BICC1: variants seen among roughly 807,000 people sequenced by gnomAD.
The protein encoded by BICC1 is protein bicaudal C homolog 1.
BICC1 carries 43 observed loss-of-function variants against 111.0 expected under a neutral mutation model. The observed-to-expected ratio is 0.39, with a 90% CI of 0.30 to 0.50. BICC1 has a LOEUF of 0.50. Among genes scored for constraint, BICC1 ranks in the 20% least tolerant of loss-of-function variants. The pLI, the probability that BICC1 is intolerant of heterozygous loss-of-function variation, is 0.88. For synonymous variants in BICC1, 467 were observed against 434.4 expected (o/e 1.07, Z -0.93); for missense variants, 1,091 against 1,203.2 (o/e 0.91, Z 1.38).
chr10:58,513,884 G>A (rs909628835), intron 1 of BICC1, among the ~76,000 whole-genome samples: 4 of 152,172 alleles, frequency 2.6e-5, no homozygotes, highest in African/African-American at 9.7e-5. Context: ...GGCCAGGATC[G>A]GGGTGAGCAG....
chr10:58,743,053 A>G (rs531626489), intron 3 of BICC1, among the ~76,000 whole-genome samples: 9 of 152,318 alleles, frequency 5.9e-5, no homozygotes, highest in Admixed American at 2.6e-4. Flanking sequence ...CCAGGTGGCA[A>G]TTGAACCTGG....
chr10:58,715,017 A>G (rs1300542557), intron 3 of BICC1, among the ~76,000 whole-genome samples: 5 of 151,922 alleles, frequency 3.3e-5, no homozygotes, highest in African/African-American at 1.2e-4. Context: ...GGAGTGAGCC[A>G]AGATCTAACC....
chr10:58,729,399 A>G (rs1382064883), intron 3 of BICC1, among the ~76,000 whole-genome samples: 1 of 152,158 alleles, frequency 6.6e-6, no homozygotes, highest in African/African-American at 2.4e-5. Context: ...TTTCTTCTTT[A>G]GCTTCCTTAC....
At chr10:58,567,943 G>A (rs910810514) in intron 1 of BICC1, among the ~76,000 whole-genome samples, 7 of 152,022 alleles carry the variant, frequency 4.6e-5, no homozygotes, top group Non-Finnish European at 8.8e-5. Flanking sequence ...GAGAAGACTG[G>A]GAGGTTTATG....
chr10:58,686,426 G>GTTGGCCA (rs1462387045), intron 2 of BICC1, among the ~76,000 whole-genome samples: 1 of 152,028 alleles, frequency 6.6e-6, no homozygotes, highest in Non-Finnish European at 1.5e-5. Context: ...TGCTAGTTTG[G>GTTGGCCA]GGAAATTTCC....
At chr10:58,693,648 A>G (rs995165809) in intron 2 of BICC1, among the ~76,000 whole-genome samples, 4 of 152,120 alleles carry the variant, frequency 2.6e-5, no homozygotes, top group Admixed American at 2.6e-4. Flanking sequence ...TTTTGGCTGC[A>G]TAAATGTCTT....
In BICC1 at chr10:58,518,506, C is replaced by A. The variant is rs566934095; in HGVS notation, c.190+5173C>A. On this transcript the variant is annotated intron_variant, in intron 1 of 20. Coordinates refer to ENST00000373886, the MANE Select transcript of BICC1 (RefSeq NM_001080512.3). The stretch of plus-strand genomic sequence containing the variant: ...TGTCTCACATGATGGATAAAGATTT[C>A]AAAACACTAGAAAGCAAATACTTGC... Among the ~76,000 whole-genome samples, 10 of 145,810 alleles carry A rather than the reference C, an allele frequency of 6.9e-5. No homozygotes were observed. In the Admixed American group the frequency reaches 7.2e-4, roughly 11 times the overall value.
chr10:58,555,101 C>T (rs987447310), intron 1 of BICC1, among the ~76,000 whole-genome samples: 2 of 151,700 alleles, frequency 1.3e-5, no homozygotes, highest in African/African-American at 4.8e-5. Flanking sequence ...AGAGTAAAAC[C>T]ATTTTAGCTG....
intron 3 of BICC1, among the ~76,000 whole-genome samples, chr10:58,726,014 G>A (rs1446615094): frequency 1.3e-5 from 2 of 152,102 alleles, no homozygotes; most frequent in East Asian, 1.9e-4. Context: ...ATAAAATTTA[G>A]CTAGCTGTTA....
At chr10:58,597,472 G>C (rs994941313) in intron 1 of BICC1, among the ~76,000 whole-genome samples, 1 of 152,008 alleles carries the variant, frequency 6.6e-6, no homozygotes, top group African/African-American at 2.4e-5. Context: ...TACTGATAAG[G>C]GTCTGTGTTC....
chr10:58,558,178 T>A (rs1212299393), intron 1 of BICC1, among the ~76,000 whole-genome samples: 2 of 152,114 alleles, frequency 1.3e-5, no homozygotes. Context: ...GAGTTAGGAT[T>A]ATTTCCTATA....
intron 2 of BICC1, among the ~76,000 whole-genome samples, chr10:58,643,428 C>T (rs559730238): frequency 6.6e-6 from 1 of 152,340 alleles, no homozygotes; most frequent in African/African-American, 2.4e-5. Context: ...TCAATCACCA[C>T]CTGTCCATCA....
At chr10:58,623,876 T>C (rs1281962091) in intron 2 of BICC1, among the ~76,000 whole-genome samples, 1 of 150,890 alleles carries the variant, frequency 6.6e-6, no homozygotes, top group Non-Finnish European at 1.5e-5. Flanking sequence ...ATAGCAACAA[T>C]AGAGGGGAGG....
At chr10:58,762,939 G>A (rs890105397) in intron 3 of BICC1, among the ~76,000 whole-genome samples, 1 of 152,174 alleles carries the variant, frequency 6.6e-6, no homozygotes, top group Non-Finnish European at 1.5e-5. Context: ...ACCTGTGTTG[G>A]TTAGACTCAA....
intron 1 of BICC1, among the ~76,000 whole-genome samples, chr10:58,615,697 A>G (rs1246135282): frequency 6.6e-6 from 1 of 152,134 alleles, no homozygotes; most frequent in African/African-American, 2.4e-5. Context: ...GACACTTGGC[A>G]TAGTCAGCAG....
At chr10:58,595,717 G>C (rs1844789553) in intron 1 of BICC1, among the ~76,000 whole-genome samples, 1 of 152,168 alleles carries the variant, frequency 6.6e-6, no homozygotes, top group South Asian at 2.1e-4. Context: ...TTAAAGCAGT[G>C]TGTAGAGGGA....
rs147033290 is a variant in BICC1 at position 58,527,641 on chromosome 10, G to A, written c.190+14308G>A. On this transcript the variant is annotated intron_variant, in intron 1 of 20. Transcript: ENST00000373886. Reference sequence around the variant, plus strand: ...GATCCGGTTTCAGCTTTCTACATACGGCTAGCCAGTTTTCCCAGCACCATT... The same window carrying A: ...GATCCGGTTTCAGCTTTCTACATACAGCTAGCCAGTTTTCCCAGCACCATT... Among the ~76,000 whole-genome samples, 855 of 152,110 alleles carry A rather than the reference G, an allele frequency of 5.6e-3. 7 individuals are homozygous for A. Among genetic ancestry groups the A allele is most frequent in the African/African-American group, 0.02 (813 of 41,492 alleles).
At chr10:58,666,680 G>A (rs1270888682) in intron 2 of BICC1, among the ~76,000 whole-genome samples, 1 of 152,036 alleles carries the variant, frequency 6.6e-6, no homozygotes, top group African/African-American at 2.4e-5. Flanking sequence ...CTTAGTGTTT[G>A]AATCTCTTTC....
At chr10:58,712,474 A>G (rs1840605501) in intron 3 of BICC1, among the ~76,000 whole-genome samples, 1 of 152,214 alleles carries the variant, frequency 6.6e-6, no homozygotes, top group African/African-American at 2.4e-5. Flanking sequence ...TCAGTAGGTG[A>G]ATGGATAAAT....
Sources: allele counts gnomAD v4.1 joint callset (sites outside exome capture counted in the v4.1 genomes callset), GRCh38; gene constraint gnomAD v4.1.1; transcripts MANE v1.5; gene names NCBI Gene and HGNC (gene_info 2026-07-23, HGNC 2026-07-21).